PRLR: variants seen among roughly 807,000 people sequenced by gnomAD.
PRLR encodes the protein prolactin receptor.
PRLR carries 13 observed loss-of-function variants against 40.2 expected under a neutral mutation model. That is an observed-to-expected ratio of 0.32 (90% confidence interval 0.21 to 0.51). The LOEUF (loss-of-function observed/expected upper bound fraction) is 0.51. PRLR is among the 20% of genes least tolerant of loss of function. The pLI, the probability that PRLR is intolerant of heterozygous loss-of-function variation, is 0.97. For synonymous variants in PRLR, 269 were observed against 278.7 expected, an observed-to-expected ratio of 0.97 and a Z score of 0.35; for missense variants, 656 against 747.3, an observed-to-expected ratio of 0.88 and a Z score of 1.42.
At position 35,129,108 on chromosome 5, in the gene PRLR, T is replaced by C. The variant is rs147564245; in HGVS notation, c.-105-10986A>G. On this transcript the variant is annotated intron_variant, in intron 1 of 9. Transcript: ENST00000618457. The stretch of plus-strand genomic sequence containing the variant: ...AGAAACTGGTGGAGATAAAAAGAGA[T>C]GGTGTCAAATTCTCTCCTTTCTGGA... Among the ~76,000 whole-genome samples, 274 of 152,256 alleles carry C rather than the reference T, an allele frequency of 1.8e-3. 2 individuals carry two copies. Among genetic ancestry groups the C allele is most frequent in the African/African-American group, 6.2e-3 (259 of 41,544 alleles).
downstream of PRLR, among the ~76,000 whole-genome samples, chr5:35,052,927 T>C (rs1317239656): frequency 6.6e-6 from 1 of 152,244 alleles, no homozygotes; most frequent in African/African-American, 2.4e-5. Context: ...TCTGTATCTT[T>C]GGGTCTTCAT....
Position 35,064,986 on chromosome 5 carries a change from T to C in PRLR, c.*103A>G. The stretch of plus-strand genomic sequence containing the variant: ...ATGGAGCATGAAAGGAGCTGGGAGC[T>C]TTAGTAGTGTCAGTCTGACTACATT... On this transcript the variant is annotated 3_prime_UTR_variant, in exon 10 of 10. Transcript: ENST00000618457. 7.6e-7 allele frequency: 1 copy of C among 1,317,750 alleles called. No homozygotes were observed. The highest frequency in any genetic ancestry group is 1.5e-5 in the South Asian group (1 of 66,050). 81.6% of individuals were successfully genotyped at this position (1,317,750 alleles called of 1,614,324 possible).
intron 1 of PRLR, among the ~76,000 whole-genome samples, chr5:35,135,091 T>G (rs1773811881): frequency 8.1e-6 from 1 of 122,912 alleles, no homozygotes; most frequent in South Asian, 2.3e-4. Flanking sequence ...GAGATTTGTG[T>G]TTTTTTTTTT....
rs1166500697 is a variant in PRLR, at chr5:35,206,407, C to T, written c.-106+23861G>A. ...CAGAAATCAGATAACCATAGAACTG[C>T]TCAGGAATGTATTGTAAAGGATTAT... On this transcript the variant is annotated intron_variant, in intron 1 of 9. Transcript: ENST00000618457. Among the ~76,000 whole-genome samples the T allele has an allele frequency of 3.3e-5, 5 of 152,062 alleles. No individual in the cohort carries two copies. In the East Asian group the frequency reaches 9.6e-4, roughly 29 times the overall value.
intron 1 of PRLR, among the ~76,000 whole-genome samples, chr5:35,215,505 T>C (rs1006715787): frequency 6.6e-6 from 1 of 152,344 alleles, no homozygotes; most frequent in South Asian, 2.1e-4. Context: ...CCTTGTCTTG[T>C]CTTTTTCTCC....
At chr5:35,076,535 C>T (rs188006774) in intron 5 of PRLR, among the ~76,000 whole-genome samples, 262 of 152,188 alleles carry the variant, frequency 1.7e-3, no homozygotes, top group Non-Finnish European at 1.3e-3. Context: ...CCAAGATATA[C>T]GGGACTATGT....
rs896632762 is a variant in PRLR at position 35,059,421 on chromosome 5, T to C, written c.*5668A>G. ...GACAAAACAGCTGCCAGCATGATAG[T>C]GTTTGTGAATTATGTACCTCTCTTA... On this transcript the variant is annotated 3_prime_UTR_variant, in exon 10 of 10. Transcript: ENST00000618457. The C allele has an allele frequency of 2.0e-5, 3 of 152,280 alleles. No individual in the cohort carries two copies. Among genetic ancestry groups the C allele is most frequent in the African/African-American group, 4.8e-5 (2 of 41,562 alleles). The allele number at this position is 152,280 out of a possible 1,614,324, so 9.4% of individuals were successfully genotyped here. A position where few individuals can be genotyped will look rare whatever the true frequency, so the allele number is the denominator to read the frequency against.
chr5:35,162,620 G>C (rs1459083126), intron 1 of PRLR, among the ~76,000 whole-genome samples: 3 of 152,202 alleles, frequency 2.0e-5, no homozygotes, highest in Non-Finnish European at 4.4e-5. Flanking sequence ...TCTCCAACAG[G>C]AGGGTCAGAG....
intron 5 of PRLR, among the ~76,000 whole-genome samples, chr5:35,079,857 A>G (rs1402778819): frequency 3.3e-5 from 5 of 152,238 alleles, no homozygotes; most frequent in Non-Finnish European, 7.3e-5. Flanking sequence ...CCAATGGAAC[A>G]GAACAGAGCC....
intron 5 of PRLR, among the ~76,000 whole-genome samples, chr5:35,076,267 G>A (rs765329585): frequency 1.4e-4 from 21 of 152,138 alleles, no homozygotes; most frequent in Non-Finnish European, 2.5e-4. Context: ...GAGGATGTTT[G>A]AACCCATCAC....
intron 1 of PRLR, chr5:35,130,146 C>G (rs1773616687): frequency 6.6e-6 from 1 of 152,202 alleles, no homozygotes; most frequent in African/African-American, 2.4e-5. Flanking sequence ...ACTCTTCAGA[C>G]AGATTAATAT....
intron 1 of PRLR, among the ~76,000 whole-genome samples, chr5:35,190,388 T>C (rs1373530238): frequency 6.6e-6 from 1 of 152,100 alleles, no homozygotes; most frequent in Admixed American, 6.5e-5. Flanking sequence ...GTGGATCGCT[T>C]GAGGTCAGGA....
Position 35,049,328 on chromosome 5 carries a change from G to A in PRLR, c.1090C>T (p.Leu364Phe), listed in dbSNP as rs1030072247. The A allele has an allele frequency of 8.5e-6, 6 of 703,246 alleles. No homozygotes were observed. The Admixed American group carries it at 1.0e-4, about 12-fold the overall frequency. 43.6% of individuals were successfully genotyped at this position (703,246 alleles called of 1,614,324 possible). Residue 364 changes from leucine to phenylalanine, a missense_variant, in exon 9 of 9, where the codon CTT becomes TTT. Coordinates refer to the PRLR transcript ENST00000231423. ...AATGTTGCCTTTGTGAACACCGCAA[G>A]TCTTCCTTGACTTGAGATTTTTCTT...
intron 9 of PRLR, among the ~76,000 whole-genome samples, chr5:35,067,695 TC>T (rs1769468049): frequency 6.6e-6 from 1 of 152,212 alleles, no homozygotes; most frequent in African/African-American, 2.4e-5. Flanking sequence ...ATTATTTAAT[TC>T]CCTCTTGAAT....
intron 1 of PRLR, among the ~76,000 whole-genome samples, chr5:35,215,934 A>G: frequency 6.6e-6 from 1 of 151,024 alleles, no homozygotes; most frequent in Non-Finnish European, 1.5e-5. Flanking sequence ...GCTACTCAGG[A>G]GGCTGAGGCA....
intron 2 of PRLR, among the ~76,000 whole-genome samples, chr5:35,112,279 T>C (rs2111655783): frequency 6.6e-6 from 1 of 152,312 alleles, no homozygotes; most frequent in South Asian, 2.1e-4. Flanking sequence ...TTTGTTAAAC[T>C]TCTGATAAGT....
intron 1 of PRLR, among the ~76,000 whole-genome samples, chr5:35,209,397 G>T (rs933309783): frequency 3.3e-5 from 5 of 152,026 alleles, no homozygotes; most frequent in African/African-American, 1.2e-4. Flanking sequence ...TCAAAGAAAT[G>T]ACTACATTTT....
rs561695922 is a variant in PRLR, at chr5:35,099,069, T to A, written c.-43-9406A>T. ...TCCCTACCCTCTCAGAACCTTGGAA[T>A]ACATTCATAGGAATAGTAAAAACAT... On this transcript the variant is annotated intron_variant, in intron 2 of 9. Coordinates refer to ENST00000618457, the MANE Select transcript of PRLR (RefSeq NM_000949.7). Among the ~76,000 whole-genome samples, 4 of 152,376 alleles carry A rather than the reference T, an allele frequency of 2.6e-5. No homozygotes were observed. The South Asian group carries it at 8.3e-4, about 32-fold the overall frequency.
chr5:35,073,837 G>C (rs1769902910), intron 5 of PRLR, among the ~76,000 whole-genome samples: 1 of 152,176 alleles, frequency 6.6e-6, no homozygotes, highest in South Asian at 2.1e-4. Context: ...CAAAACCACA[G>C]TGAGATACCA....
Sources: allele counts gnomAD v4.1 joint callset (sites outside exome capture counted in the v4.1 genomes callset), GRCh38; gene constraint gnomAD v4.1.1; transcripts MANE v1.5; gene names NCBI Gene and HGNC (gene_info 2026-07-23, HGNC 2026-07-21).